POR: variants seen among roughly 807,000 people sequenced by gnomAD.
POR encodes cytochrome p450 oxidoreductase.
A neutral mutation model predicts 84.0 loss-of-function variants in POR; 56 were observed. The ratio of observed to expected loss-of-function variants is 0.67; its 90% CI spans 0.54 to 0.83. The LOEUF is 0.83. POR is among the 40% of genes least tolerant of loss of function. The pLI is 0.00. For missense variants in POR, 938 were observed against 944.3 expected, an observed-to-expected ratio of 0.99 and a Z score of 0.09; for synonymous variants, 414 against 400.5, an observed-to-expected ratio of 1.03 and a Z score of -0.40.
At chr7:75,969,100 A>G (rs1160507120) in intron 2 of POR, among the ~76,000 whole-genome samples, 3 of 152,124 alleles carry the variant, frequency 2.0e-5, no homozygotes, top group Non-Finnish European at 4.4e-5. Flanking sequence ...GTCCTGTCCC[A>G]TCCGTCCCTG....
intron 1 of POR, among the ~76,000 whole-genome samples, chr7:75,931,058 A>G (rs1447675472): frequency 6.7e-6 from 1 of 149,974 alleles, no homozygotes; most frequent in African/African-American, 2.5e-5. Flanking sequence ...CCTGGCCTCA[A>G]TCCATCCTCC....
chr7:75,946,017 T>G (rs1245679542), intron 1 of POR, among the ~76,000 whole-genome samples: 1 of 152,142 alleles, frequency 6.6e-6, no homozygotes, highest in African/African-American at 2.4e-5. Flanking sequence ...GCCTGTGTGC[T>G]CCCTGATTTA....
At chr7:75,949,987 C>T (rs1231659377) in intron 1 of POR, among the ~76,000 whole-genome samples, 4 of 152,040 alleles carry the variant, frequency 2.6e-5, no homozygotes, top group Non-Finnish European at 5.9e-5. Context: ...CCTCCCTCCT[C>T]CTGTTTCTGG....
At chr7:75,933,386 T>TG (rs1245668993) in intron 1 of POR, among the ~76,000 whole-genome samples, 1 of 90,604 alleles carries the variant, frequency 1.1e-5, no homozygotes, top group Non-Finnish European at 1.9e-5. Flanking sequence ...GTTTTTTTTT[T>TG]TTTTTTTTTT....
intron 1 of POR, among the ~76,000 whole-genome samples, chr7:75,920,415 AG>A (rs1806799117): frequency 6.6e-6 from 1 of 152,092 alleles, no homozygotes; most frequent in Admixed American, 6.6e-5. Context: ...GGAGAATAGA[AG>A]GGGGAAAGTT....
chr7:75,959,652 C>A (rs2116456584), intron 2 of POR, among the ~76,000 whole-genome samples: 1 of 152,262 alleles, frequency 6.6e-6, no homozygotes, highest in East Asian at 1.9e-4. Context: ...GATGGAGTTT[C>A]ACCACGTTGG....
intron 2 of POR, among the ~76,000 whole-genome samples, chr7:75,962,979 G>A (rs567764078): frequency 3.3e-5 from 5 of 152,108 alleles, no homozygotes; most frequent in Admixed American, 6.5e-5. Context: ...TCCTGATTAC[G>A]TCCCCCTGGA....
At position 75,981,034 on chromosome 7, in the gene POR, CTG is replaced by C; in HGVS notation, c.517-10_517-9del. ...CGAGGGCCAGGCCTCAGAGCGGCCC[CTG>C]TGTCCACGCAGGTGTTTGGTCTTGG... On this transcript the variant is annotated splice_polypyrimidine_tract_variant and intron_variant, in intron 5 of 15. Transcript: ENST00000461988. 1 of 1,555,438 alleles carries C rather than the reference CTG, an allele frequency of 6.4e-7. No homozygotes were observed. The highest frequency in any genetic ancestry group is 8.7e-7 in the Non-Finnish European group (1 of 1,150,356).
At chr7:75,951,519 C>G (rs1030118503) in intron 1 of POR, among the ~76,000 whole-genome samples, 4 of 152,202 alleles carry the variant, frequency 2.6e-5, no homozygotes, top group African/African-American at 9.7e-5. Context: ...ATGGCCTGTT[C>G]CCAGCAGGTT....
At chr7:75,937,291 CAAAAAAA>C (rs1227123390) in intron 1 of POR, among the ~76,000 whole-genome samples, 1 of 66,280 alleles carries the variant, frequency 1.5e-5, no homozygotes, top group African/African-American at 7.3e-5. Context: ...CCCATCTCTA[CAAAAAAA>C]AAAAAAAAAC....
chr7:75,957,915 A>G (rs542693719), intron 2 of POR, among the ~76,000 whole-genome samples: 53 of 152,288 alleles, frequency 3.5e-4, no homozygotes, highest in Admixed American at 7.9e-4. Context: ...TTGGGTGCTC[A>G]AGGTTGAGTA....
At chr7:75,979,042 C>T (rs1420686964) in intron 3 of POR, among the ~76,000 whole-genome samples, 1 of 152,220 alleles carries the variant, frequency 6.6e-6, no homozygotes, top group African/African-American at 2.4e-5. Context: ...GGTAATCTGC[C>T]AGCCTCAGCC....
intron 1 of POR, among the ~76,000 whole-genome samples, chr7:75,942,908 T>C (rs1453844619): frequency 1.3e-5 from 2 of 151,842 alleles, no homozygotes; most frequent in African/African-American, 4.9e-5. Flanking sequence ...AGCGATTTAG[T>C]ATTTGGTAAT....
intron 2 of POR, among the ~76,000 whole-genome samples, chr7:75,966,941 C>G (rs1243975124): frequency 6.6e-6 from 1 of 152,200 alleles, no homozygotes; most frequent in Non-Finnish European, 1.5e-5. Context: ...GCTGCCACCT[C>G]TGTACGGCTG....
At chr7:75,946,060 G>A (rs1224600773) in intron 1 of POR, among the ~76,000 whole-genome samples, 1 of 152,152 alleles carries the variant, frequency 6.6e-6, no homozygotes, top group Non-Finnish European at 1.5e-5. Context: ...GTGTGGGAGG[G>A]ACTGGAGCTG....
At chr7:75,980,868 A>G in intron 5 of POR, 180 bp from the exon 6 acceptor site, 2 of 1,080,870 alleles carry the variant, frequency 1.9e-6, no homozygotes, top group Non-Finnish European at 2.6e-6. Flanking sequence ...CAGGTCAACC[A>G]GATGAAGCCT....
At chr7:75,940,436 C>T (rs550761935) in intron 1 of POR, among the ~76,000 whole-genome samples, 8 of 151,880 alleles carry the variant, frequency 5.3e-5, no homozygotes, top group East Asian at 1.9e-4. Flanking sequence ...TCCCAATTTA[C>T]GCAGATTCAA....
rs942291894 is a variant in POR at position 75,951,560 on chromosome 7, C to T, written c.-4-2429C>T. The stretch of plus-strand genomic sequence containing the variant: ...GCAGTAGACCGATGCCCACAACCCT[C>T]GGATGCCCTGGCTTCCCAGACCAGC... On this transcript the variant is annotated intron_variant, in intron 1 of 15. Coordinates refer to ENST00000461988, the MANE Select transcript of POR (RefSeq NM_000941.3). 2.6e-5 allele frequency among the ~76,000 whole-genome samples: 4 copies of T among 152,298 alleles called. 1 individual carries two copies. The highest frequency in any genetic ancestry group is 6.5e-5 in the Admixed American group (1 of 15,294).
At chr7:75,981,248 C>T (rs1789023601) in intron 6 of POR, 76 bp downstream of exon 6, 2 of 1,462,888 alleles carry the variant, frequency 1.4e-6, no homozygotes, top group African/African-American at 1.4e-5. Flanking sequence ...GGCGCGCACA[C>T]CATTGTGTCA....
Sources: gnomAD v4.1 joint callset for allele counts (sites outside exome capture counted in the v4.1 genomes callset) on GRCh38, gnomAD v4.1.1 for gene constraint, MANE v1.5 for transcripts, NCBI Gene and HGNC (gene_info 2026-07-23, HGNC 2026-07-21) for gene names.